Variants in PRKN observed in about 807,000 individuals in gnomAD.
The protein encoded by PRKN is E3 ubiquitin-protein ligase parkin.
PRKN carries 56 observed loss-of-function variants against 59.5 expected under a neutral mutation model. The observed-to-expected ratio is 0.94, with a 90% CI of 0.76 to 1.18. PRKN has a LOEUF of 1.18. Ranked by LOEUF, PRKN falls within the 50% of genes most tolerant of loss-of-function variation. The pLI, the probability that PRKN is intolerant of heterozygous loss-of-function variation, is 0.00. For missense variants in PRKN, 657 were observed against 596.4 expected (o/e 1.10, Z -1.06); for synonymous variants, 250 against 222.1 (o/e 1.13, Z -1.12).
At position 161,400,281 on chromosome 6, in the gene PRKN, AT is replaced by A. The variant is rs1348553586; in HGVS notation, c.1084-13405del. ...AAGTAGGATGAGGTGAGCTGGGGAC[AT>A]GGGGAAGATTAGAAAATTAAACCTA... On this transcript the variant is annotated intron_variant, in intron 9 of 11. Coordinates refer to ENST00000366898, the MANE Select transcript of PRKN (RefSeq NM_004562.3). The surrounding 1 kb of genome is among the most constrained non-coding windows in gnomAD (Gnocchi z 4.2). Among the ~76,000 whole-genome samples, 4 of 152,152 alleles carry A rather than the reference AT, an allele frequency of 2.6e-5. No homozygotes were observed. In the East Asian group the frequency reaches 7.7e-4, roughly 29 times the overall value.
At chr6:162,459,382 T>C (rs1485528860) in intron 1 of PRKN, among the ~76,000 whole-genome samples, 2 of 152,206 alleles carry the variant, frequency 1.3e-5, no homozygotes, top group African/African-American at 2.4e-5. Flanking sequence ...TTATATCTTA[T>C]ATTAACTTAG....
intron 6 of PRKN, among the ~76,000 whole-genome samples, chr6:161,817,989 G>A (rs1021488012): frequency 1.4e-4 from 21 of 152,282 alleles, no homozygotes; most frequent in Middle Eastern, 3.4e-3. Flanking sequence ...GTCTACTGGC[G>A]TAGGAGCCAT....
chr6:162,221,279 C>G (rs77499296), intron 3 of PRKN, among the ~76,000 whole-genome samples: 1 of 152,094 alleles, frequency 6.6e-6, no homozygotes, highest in Non-Finnish European at 1.5e-5. Context: ...GTTGATGACA[C>G]TGAATTTGCA....
chr6:162,304,489 TTCTA>T (rs6149895), intron 2 of PRKN, among the ~76,000 whole-genome samples: 36,756 of 128,398 alleles, frequency 0.29, 5,505 homozygotes, highest in Admixed American at 0.31. Context: ...ACTCATCCAG[TTCTA>T]TCTATCTATC....
At chr6:162,508,884 A>C (rs1412653859) in intron 1 of PRKN, among the ~76,000 whole-genome samples, 1 of 152,166 alleles carries the variant, frequency 6.6e-6, no homozygotes, top group Non-Finnish European at 1.5e-5. Context: ...AACAAAAAAC[A>C]AACAAAATAA....
chr6:161,860,001 G>A (rs1297010564), intron 6 of PRKN, among the ~76,000 whole-genome samples: 3 of 152,146 alleles, frequency 2.0e-5, no homozygotes, highest in Non-Finnish European at 2.9e-5. Context: ...GATAACAGTC[G>A]AAGCTAGTTT....
At chr6:162,685,477 T>C (rs1475862221) in intron 1 of PRKN, among the ~76,000 whole-genome samples, 3 of 152,118 alleles carry the variant, frequency 2.0e-5, no homozygotes, top group African/African-American at 7.2e-5. Flanking sequence ...TCCTGGAAAA[T>C]GTCGTAGTAC....
Position 161,737,271 on chromosome 6 carries a change from A to G in PRKN, c.871+48501T>C, listed in dbSNP as rs149786832. Among the ~76,000 whole-genome samples, 1,164 of 152,324 alleles carry G rather than the reference A, an allele frequency of 7.6e-3. 14 individuals are homozygous for G. Among genetic ancestry groups the G allele is most frequent in the Non-Finnish European group, 0.012 (804 of 68,030 alleles). On this transcript the variant is annotated intron_variant, in intron 7 of 11. Coordinates refer to ENST00000366898, the MANE Select transcript of PRKN (RefSeq NM_004562.3). ...AAAGGGGAATGAACTAAATCAGGGG[A>G]CTGCTTGACCAGAACAATGTCCCTT... is the stretch of plus-strand genomic sequence containing the variant.
At chr6:161,722,083 A>G (rs1195840930) in intron 7 of PRKN, among the ~76,000 whole-genome samples, 1 of 152,062 alleles carries the variant, frequency 6.6e-6, no homozygotes, top group African/African-American at 2.4e-5. Context: ...TTTACTGGTA[A>G]GTCAGGCTCA....
intron 7 of PRKN, among the ~76,000 whole-genome samples, chr6:161,574,879 A>G (rs1443572025): frequency 6.6e-6 from 1 of 152,132 alleles, no homozygotes; most frequent in East Asian, 1.9e-4. Context: ...GTTTTTACCT[A>G]CTGACACTGT....
At chr6:162,700,245 T>C (rs1054415911) in intron 1 of PRKN, among the ~76,000 whole-genome samples, 1 of 152,194 alleles carries the variant, frequency 6.6e-6, no homozygotes, top group African/African-American at 2.4e-5. Context: ...CTGCTTATTG[T>C]CAGTTCATTT....
chr6:161,369,543 G>A lies in PRKN; in HGVS notation c.1168-9338C>T, dbSNP rs1387632238. ...GGTTTTGTTGTGATTCAGCATCACCGCCCGATTGTGCAATAAAGTGTGGCT... is the reference window on the plus strand; with the variant it reads ...GGTTTTGTTGTGATTCAGCATCACCACCCGATTGTGCAATAAAGTGTGGCT... On this transcript the variant is annotated intron_variant, in intron 10 of 11. Coordinates refer to ENST00000366898, the MANE Select transcript of PRKN (RefSeq NM_004562.3). This position sits in a 1 kb window ranked among gnomAD's most constrained non-coding sequence, Gnocchi z 5.8. Among the ~76,000 whole-genome samples the A allele has an allele frequency of 3.9e-5, 6 of 152,118 alleles. No homozygotes were observed. The highest frequency in any genetic ancestry group is 7.2e-5 in the African/African-American group (3 of 41,420).
At chr6:162,643,397 C>CAAAAAAAAAAAAAAAAAAAAA (rs59995115) in intron 1 of PRKN, among the ~76,000 whole-genome samples, 1 of 82,478 alleles carries the variant, frequency 1.2e-5, no homozygotes, top group Non-Finnish European at 2.2e-5. Flanking sequence ...GACTCTGCCT[C>CAAAAAAAAAAAAAAAAAAAAA]AAAAAAAAAA....
rs1235812485 is a variant in PRKN, at chr6:161,456,347, A to T, written c.1084-69470T>A. On this transcript the variant is annotated intron_variant, in intron 9 of 11. Coordinates refer to ENST00000366898, the MANE Select transcript of PRKN (RefSeq NM_004562.3). This position sits in a 1 kb window ranked among gnomAD's most constrained non-coding sequence, Gnocchi z 4.8. Reference sequence around the variant, plus strand: ...TGAAAGCTTCCTGCCCTGGAACATCAGACTCCAAGTTCTTCAGCTTTTGGA... The same window carrying T: ...TGAAAGCTTCCTGCCCTGGAACATCTGACTCCAAGTTCTTCAGCTTTTGGA... Among the ~76,000 whole-genome samples the T allele has an allele frequency of 1.3e-5, 2 of 152,164 alleles. No homozygotes were observed. The highest frequency in any genetic ancestry group is 3.9e-4 in the East Asian group (2 of 5,194).
In PRKN at chr6:161,356,290, G is replaced by A. The variant is rs1232037651; in HGVS notation, c.1285+3798C>T. Among the ~76,000 whole-genome samples the A allele has an allele frequency of 6.6e-6, 1 of 152,178 alleles. No homozygotes were observed. Among genetic ancestry groups the A allele is most frequent in the Non-Finnish European group, 1.5e-5 (1 of 68,034 alleles). The stretch of plus-strand genomic sequence containing the variant: ...AGGGGTCTTTGGCAGGGTGGTAAGG[G>A]GCGGTCTGACTGAGAAGAGGTCAGC... On this transcript the variant is annotated intron_variant, in intron 11 of 11. Coordinates refer to ENST00000366898, the MANE Select transcript of PRKN (RefSeq NM_004562.3). This position sits in a 1 kb window ranked among gnomAD's most constrained non-coding sequence, Gnocchi z 7.8.
chr6:162,697,184 T>C (rs1230135496), intron 1 of PRKN, among the ~76,000 whole-genome samples: 1 of 152,164 alleles, frequency 6.6e-6, no homozygotes, highest in East Asian at 1.9e-4. Context: ...ATGACTGGTA[T>C]AACAGAGTTC....
At chr6:161,918,008 C>T (rs1397777341) in intron 6 of PRKN, among the ~76,000 whole-genome samples, 2 of 152,192 alleles carry the variant, frequency 1.3e-5, no homozygotes, top group African/African-American at 2.4e-5. Context: ...GGAGGACATA[C>T]ATATTTATAA....
At chr6:161,624,137 T>C (rs939126587) in intron 7 of PRKN, among the ~76,000 whole-genome samples, 3 of 152,238 alleles carry the variant, frequency 2.0e-5, no homozygotes, top group Non-Finnish European at 4.4e-5. Context: ...TAGACAAATT[T>C]CTCTTTTGCT....
At chr6:162,426,121 C>A (rs1264342068) in intron 2 of PRKN, among the ~76,000 whole-genome samples, 1 of 152,152 alleles carries the variant, frequency 6.6e-6, no homozygotes, top group Non-Finnish European at 1.5e-5. Context: ...GAAAATAAGA[C>A]AAGTTATTCC....
Sources: gnomAD v4.1 joint callset for allele counts (sites outside exome capture counted in the v4.1 genomes callset) on GRCh38, gnomAD v4.1.1 for gene constraint, Gnocchi (gnomAD v3.1) non-coding constraint, MANE v1.5 for transcripts, NCBI Gene and HGNC (gene_info 2026-07-23, HGNC 2026-07-21) for gene names.